NAV1: variants seen among roughly 807,000 people sequenced by gnomAD.
NAV1 encodes the protein neuron navigator 1, also known as pore membrane and/or filament interacting like protein 3.
Under a neutral mutation model 175.2 loss-of-function variants are expected in NAV1, and 18 were observed. That is an observed-to-expected ratio of 0.10 (90% CI 0.07 to 0.15). The LOEUF is 0.15. Among genes scored for constraint, NAV1 ranks in the 10% least tolerant of loss-of-function variants. The pLI is 1.00. For synonymous variants in NAV1, 897 were observed against 978.7 expected, an observed-to-expected ratio of 0.92 and a Z score of 1.56; for missense variants, 1,731 against 2,436.6, an observed-to-expected ratio of 0.71 and a Z score of 6.10.
intron 3 of NAV1, among the ~76,000 whole-genome samples, chr1:201,721,410 G>A (rs984847657): frequency 2.0e-5 from 3 of 152,172 alleles, no homozygotes. Flanking sequence ...GTCACTCCTC[G>A]ATTATGGGTT....
exon 1 of NAV1, chr1:201,623,547 C>A: frequency 7.1e-6 from 7 of 986,358 alleles, no homozygotes; most frequent in Non-Finnish European, 8.4e-6. Context: ...CCATTAGCTT[C>A]TCCTCAGTCC....
intron 15 of NAV1, chr1:201,798,183 G>A (rs1030594203): frequency 2.6e-5 from 4 of 152,092 alleles, no homozygotes; most frequent in Non-Finnish European, 5.9e-5. Flanking sequence ...TAACTCCTAC[G>A]TAGATCTCAA....
At chr1:201,699,867 C>G (rs1008408623) in intron 1 of NAV1, among the ~76,000 whole-genome samples, 6 of 152,168 alleles carry the variant, frequency 3.9e-5, no homozygotes, top group African/African-American at 7.2e-5. Context: ...ATAAATGATG[C>G]TGGGAAAACT....
exon 30 of NAV1, chr1:201,824,357 T>C (rs1679554052): frequency 6.6e-6 from 1 of 152,140 alleles, no homozygotes; most frequent in South Asian, 2.1e-4. Context: ...AAAATGATCT[T>C]ATGAACACTG....
intron 2 of NAV1, among the ~76,000 whole-genome samples, chr1:201,642,525 T>TTTCTTTCTTTCTTCCTTTC (rs1553247052): frequency 1.0e-5 from 1 of 100,306 alleles, no homozygotes; most frequent in Non-Finnish European, 2.0e-5. Context: ...TTCTTTCTTT[T>TTTCTTTCTTTCTTCCTTTC]TTTCTTTCTT....
At chr1:201,786,822 G>T (rs1009899899) in intron 9 of NAV1, among the ~76,000 whole-genome samples, 9 of 152,210 alleles carry the variant, frequency 5.9e-5, no homozygotes, top group Non-Finnish European at 1.3e-4. Context: ...AGCCTGAATG[G>T]TGGCATGGAA....
intron 3 of NAV1, among the ~76,000 whole-genome samples, chr1:201,775,151 C>A (rs1675856131): frequency 6.6e-6 from 1 of 152,116 alleles, no homozygotes; most frequent in Non-Finnish European, 1.5e-5. Context: ...AAGGGGGAGC[C>A]CTTTCCCTCC....
intron 2 of NAV1, among the ~76,000 whole-genome samples, chr1:201,610,179 C>G (rs1310391166): frequency 6.6e-6 from 1 of 152,168 alleles, no homozygotes; most frequent in Non-Finnish European, 1.5e-5. Flanking sequence ...GCCTCCAGCC[C>G]CCTGTGATTT....
chr1:201,803,547 C>A (rs1206918198), intron 15 of NAV1, 46 bp from the exon 20 acceptor site: 1 of 1,580,120 alleles, frequency 6.3e-7, no homozygotes, highest in African/African-American at 1.4e-5. Context: ...GTCTCACATC[C>A]TCTCTAAATC....
In NAV1 at chr1:201,548,580, T is replaced by C. The variant is rs573282719; in HGVS notation, c.-144+9238T>C. Among the ~76,000 whole-genome samples the C allele has an allele frequency of 2.0e-5, 3 of 151,928 alleles. No homozygotes were observed. The South Asian group carries it at 6.2e-4, about 32-fold the overall frequency. On this transcript the variant is annotated intron_variant, in intron 1 of 33. Transcript: ENST00000685211. ...CATCTCTTAAAAAAATAAAAATAAA[T>C]AAATAAGTGAATAAAGGTGTTATTG...
In NAV1 at chr1:201,698,177, C is replaced by G. The variant is rs539343841; in HGVS notation, c.758-14640C>G. Among the ~76,000 whole-genome samples the G allele has an allele frequency of 1.2e-3, 180 of 152,338 alleles. 1 individual carries two copies. Among genetic ancestry groups the G allele is most frequent in the South Asian group, 8.9e-3 (43 of 4,828 alleles). On this transcript the variant is annotated intron_variant, in intron 1 of 29. Coordinates refer to ENST00000367296, the Ensembl canonical transcript of NAV1. ...TGAGACTTGCCCTGTTGCCTGTGGT[C>G]AGATTCATTCTTTCCCTTCCTTTGG...
intron 8 of NAV1, 117 bp from the exon 13 acceptor site, chr1:201,786,312 C>T (rs914384730): frequency 1.9e-5 from 21 of 1,101,404 alleles, no homozygotes; most frequent in Non-Finnish European, 2.7e-5. Flanking sequence ...TCCCTCTTTT[C>T]CATGTCCTGC....
At chr1:201,603,120 T>C (rs772107533) in intron 2 of NAV1, among the ~76,000 whole-genome samples, 1 of 152,150 alleles carries the variant, frequency 6.6e-6, no homozygotes, top group Non-Finnish European at 1.5e-5. Flanking sequence ...GTGAGTTAAA[T>C]TGCTCTCTGA....
intron 2 of NAV1, among the ~76,000 whole-genome samples, chr1:201,614,818 G>A (rs753250527): frequency 3.9e-5 from 6 of 152,200 alleles, no homozygotes; most frequent in Non-Finnish European, 1.5e-5. Flanking sequence ...CTGTGTGATC[G>A]TGAGAAAGTT....
At chr1:201,668,879 T>C (rs1571873935) in intron 1 of NAV1, among the ~76,000 whole-genome samples, 1 of 152,184 alleles carries the variant, frequency 6.6e-6, no homozygotes, top group African/African-American at 2.4e-5. Flanking sequence ...TGCAGCTTGC[T>C]TCCTTTTCCT....
At chr1:201,700,256 C>G (rs932645349) in intron 1 of NAV1, among the ~76,000 whole-genome samples, 1 of 152,104 alleles carries the variant, frequency 6.6e-6, no homozygotes, top group Non-Finnish European at 1.5e-5. Context: ...AACAAACAAC[C>G]CCATCAAAAG....
rs1447058837 is a variant in NAV1 at position 201,787,567 on chromosome 1, T to G, written c.2996-901T>G. ...CAAATAAGAAGAATTGCATTTATGC[T>G]GCAGAATGAGGGGCTGGGCTAAGCA... On this transcript the variant is annotated intron_variant, in intron 9 of 29. Transcript: ENST00000367296. The surrounding 1 kb of genome is among the most constrained non-coding windows in gnomAD (Gnocchi z 4.3). The G allele has an allele frequency of 6.9e-6, 3 of 435,220 alleles. No individual in the cohort carries two copies. In the Admixed American group the frequency reaches 7.5e-5, roughly 11 times the overall value. The allele number at this position is 435,220 out of a possible 1,614,324, so 27.0% of individuals were successfully genotyped here. A position where few individuals can be genotyped will look rare whatever the true frequency, so the allele number is the denominator to read the frequency against.
In NAV1 at chr1:201,788,665, C is replaced by A. The variant is rs373634404; in HGVS notation, c.3166+27C>A. 1 of 1,583,406 alleles carries A rather than the reference C, an allele frequency of 6.3e-7. No homozygotes were observed. On this transcript the variant is annotated intron_variant, in intron 10 of 29. Transcript: ENST00000367296. This position sits in a 1 kb window ranked among gnomAD's most constrained non-coding sequence, Gnocchi z 5.7. ...TGAGACTTCATGCTAGCGCGGTTCA[C>A]GCTCATTCCAGCTCTGCTGGGTCCC...
intron 3 of NAV1, among the ~76,000 whole-genome samples, chr1:201,774,134 C>G (rs1258799486): frequency 6.6e-6 from 1 of 151,686 alleles, no homozygotes; most frequent in Non-Finnish European, 1.5e-5. Context: ...GCCCAGCTCT[C>G]TTTTCTGTAC....
Sources: gnomAD v4.1 joint callset for allele counts (sites outside exome capture counted in the v4.1 genomes callset) on GRCh38, gnomAD v4.1.1 for gene constraint, Gnocchi (gnomAD v3.1) non-coding constraint, MANE v1.5 for transcripts, NCBI Gene and HGNC (gene_info 2026-07-23, HGNC 2026-07-21) for gene names.